The following STPG2 variants were observed in gnomAD, a reference collection of about 807,000 sequenced individuals.
STPG2 encodes sperm tail PG-rich repeat containing 2.
A neutral mutation model predicts 54.2 loss-of-function variants in STPG2; 56 were observed. That is an observed-to-expected ratio of 1.03 (90% CI 0.83 to 1.29). The LOEUF (loss-of-function observed/expected upper bound fraction) is 1.29, where lower values mean the gene tolerates loss of function less well. Ranked by LOEUF, STPG2 falls within the 50% of genes most tolerant of loss-of-function variation. STPG2 has a pLI of 0.00. For missense variants in STPG2, 596 were observed against 544.9 expected, an observed-to-expected ratio of 1.09 and a Z score of -0.93; for synonymous variants, 200 against 181.8, an observed-to-expected ratio of 1.10 and a Z score of -0.81.
At chr4:97,962,898 C>T (rs565170708) in intron 7 of STPG2, among the ~76,000 whole-genome samples, 10 of 152,274 alleles carry the variant, frequency 6.6e-5, no homozygotes, top group South Asian at 2.1e-4. Flanking sequence ...TGGTGGCTCA[C>T]GCCTATAATC....
chr4:97,942,233 C>T (rs1036181700), intron 8 of STPG2, among the ~76,000 whole-genome samples: 2 of 150,380 alleles, frequency 1.3e-5, no homozygotes, highest in African/African-American at 4.9e-5. Context: ...TTTTTTCCTA[C>T]TACCTGTGAT....
chr4:97,654,868 A>G (rs7692593), intron 10 of STPG2, among the ~76,000 whole-genome samples: 20,696 of 152,038 alleles, frequency 0.14, 4,107 homozygotes, highest in African/African-American at 0.44. Flanking sequence ...TACTGTACAG[A>G]TTAAAAATGA....
chr4:97,531,467 T>A (rs144629988), intron 4 of STPG2, among the ~76,000 whole-genome samples: 349 of 152,280 alleles, frequency 2.3e-3, no homozygotes, highest in Non-Finnish European at 4.1e-3. Flanking sequence ...TAAGTGTCCA[T>A]CAGCAGATGA....
intron 8 of STPG2, among the ~76,000 whole-genome samples, chr4:97,901,250 G>A (rs1254987534): frequency 1.3e-5 from 2 of 151,884 alleles, no homozygotes; most frequent in Admixed American, 1.3e-4. Context: ...ATGGGGAAAA[G>A]TTCAAAGCTT....
intron 5 of STPG2, among the ~76,000 whole-genome samples, chr4:98,096,058 T>C (rs1738847211): frequency 1.3e-5 from 2 of 152,198 alleles, no homozygotes; most frequent in South Asian, 4.1e-4. Context: ...TGCTCCTTAA[T>C]GATCAGTGAG....
chr4:98,091,452 T>C (rs1016924997), intron 5 of STPG2, among the ~76,000 whole-genome samples: 1 of 152,096 alleles, frequency 6.6e-6, no homozygotes, highest in African/African-American at 2.4e-5. Context: ...GTCTGACAAA[T>C]AGCTACTTGT....
intron 9 of STPG2, among the ~76,000 whole-genome samples, chr4:97,717,447 C>T (rs765462545): frequency 6.6e-6 from 1 of 152,130 alleles, no homozygotes; most frequent in Non-Finnish European, 1.5e-5. Context: ...AAAGCATGCA[C>T]CTGTTAAAAC....
At chr4:97,962,468 T>C (rs532324711) in intron 7 of STPG2, among the ~76,000 whole-genome samples, 1 of 152,308 alleles carries the variant, frequency 6.6e-6, no homozygotes, top group African/African-American at 2.4e-5. Context: ...AATCAATTGA[T>C]ACTGCAATTA....
intron 8 of STPG2, among the ~76,000 whole-genome samples, chr4:97,932,811 G>C (rs1337586395): frequency 1.3e-5 from 2 of 152,132 alleles, no homozygotes; most frequent in Non-Finnish European, 2.9e-5. Context: ...ATTGTGAATA[G>C]TGCTGCAATA....
intron 5 of STPG2, among the ~76,000 whole-genome samples, chr4:97,991,346 GTA>G (rs1282687075): frequency 6.7e-6 from 1 of 149,642 alleles, no homozygotes; most frequent in Non-Finnish European, 1.5e-5. Context: ...ATATATGTGT[GTA>G]TATATGTGTG....
At chr4:98,030,232 T>A (rs1305248194) in intron 5 of STPG2, among the ~76,000 whole-genome samples, 1 of 152,150 alleles carries the variant, frequency 6.6e-6, no homozygotes, top group Non-Finnish European at 1.5e-5. Flanking sequence ...ATCACCACCA[T>A]CTGATTAAGT....
At chr4:97,845,204 A>T (rs1314370110) in intron 8 of STPG2, among the ~76,000 whole-genome samples, 1 of 151,220 alleles carries the variant, frequency 6.6e-6, no homozygotes, top group Non-Finnish European at 1.5e-5. Context: ...GCAACTCTGG[A>T]TTTTTTTTCT....
At chr4:97,550,221 AG>A (rs1401004471) in intron 4 of STPG2, among the ~76,000 whole-genome samples, 1 of 152,072 alleles carries the variant, frequency 6.6e-6, no homozygotes, top group African/African-American at 2.4e-5. Flanking sequence ...TCACTACTAA[AG>A]ATTTATTATG....
chr4:97,997,626 C>G (rs1735285294), intron 5 of STPG2, among the ~76,000 whole-genome samples: 1 of 152,090 alleles, frequency 6.6e-6, no homozygotes. Context: ...AACTATGTCA[C>G]TGGACAAAGA....
At chr4:97,800,418 C>A (rs1426876756) in intron 9 of STPG2, among the ~76,000 whole-genome samples, 2 of 152,232 alleles carry the variant, frequency 1.3e-5, no homozygotes, top group Non-Finnish European at 2.9e-5. Context: ...CCCTTGGCTG[C>A]AGGCCTGTTA....
At chr4:97,535,264 C>T (rs1731502808) in intron 4 of STPG2, among the ~76,000 whole-genome samples, 1 of 152,072 alleles carries the variant, frequency 6.6e-6, no homozygotes, top group South Asian at 2.1e-4. Context: ...ATGAATATTC[C>T]AGTTGCTCTG....
chr4:97,454,671 TA>T (rs981777660), intron 4 of STPG2, among the ~76,000 whole-genome samples: 19 of 150,984 alleles, frequency 1.3e-4, no homozygotes, highest in Admixed American at 4.0e-4. Context: ...GTTTAAATGT[TA>T]AAAAAAAATC....
chr4:98,097,175 A>G (rs1030622935), intron 5 of STPG2, among the ~76,000 whole-genome samples: 2 of 152,154 alleles, frequency 1.3e-5, no homozygotes, highest in African/African-American at 4.8e-5. Context: ...TCAAAAACAC[A>G]AAACTATGCC....
intron 9 of STPG2, among the ~76,000 whole-genome samples, chr4:97,718,063 A>G (rs944239954): frequency 6.6e-6 from 1 of 152,078 alleles, no homozygotes; most frequent in African/African-American, 2.4e-5. Context: ...AAGTTCCCTT[A>G]GATCACCATT....
Sources: allele counts gnomAD v4.1 joint callset (sites outside exome capture counted in the v4.1 genomes callset), GRCh38; gene constraint gnomAD v4.1.1; transcripts MANE v1.5; gene names NCBI Gene and HGNC (gene_info 2026-07-23, HGNC 2026-07-21).